Variants in EFR3A observed in about 807,000 individuals in gnomAD.
The protein encoded by EFR3A is protein EFR3 homolog A.
EFR3A carries 76 observed loss-of-function variants against 104.4 expected under a neutral mutation model. The observed-to-expected ratio is 0.73, with a 90% CI of 0.60 to 0.88. The LOEUF is 0.88. Ranked by LOEUF, EFR3A falls within the 40% of genes least tolerant of loss-of-function variation. The pLI is 0.00. For synonymous variants in EFR3A, 330 were observed against 330.0 expected, an observed-to-expected ratio of 1.00 and a Z score of 0.00; for missense variants, 985 against 1,012.5, an observed-to-expected ratio of 0.97 and a Z score of 0.37.
rs1193908955 is a variant in EFR3A, at chr8:132,009,706, A to G, written c.2361-1084A>G. ...TCCACTTCACTTCTTTTGCCAAGGTAGACAGCTTCACTCATTGTTTAGAAA... is the reference window on the plus strand; with the variant it reads ...TCCACTTCACTTCTTTTGCCAAGGTGGACAGCTTCACTCATTGTTTAGAAA... On this transcript the variant is annotated intron_variant, in intron 22 of 22. Transcript: ENST00000254624. Among the ~76,000 whole-genome samples the G allele has an allele frequency of 2.6e-5, 4 of 152,130 alleles. No homozygotes were observed. The South Asian group carries it at 8.3e-4, about 31-fold the overall frequency.
chr8:131,929,015 C>G (rs1171604969), intron 1 of EFR3A, among the ~76,000 whole-genome samples: 1 of 152,118 alleles, frequency 6.6e-6, no homozygotes, highest in African/African-American at 2.4e-5. Flanking sequence ...TATTTGCCTT[C>G]AGTGATCTCA....
chr8:132,006,041 A>G (rs1406041054), intron 22 of EFR3A, among the ~76,000 whole-genome samples: 23 of 152,200 alleles, frequency 1.5e-4, no homozygotes, highest in Admixed American at 1.2e-3. Context: ...ATTAGAAAAC[A>G]TTTTAAACTG....
chr8:131,921,896 T>G, intron 1 of EFR3A, among the ~76,000 whole-genome samples: 1 of 152,192 alleles, frequency 6.6e-6, no homozygotes, highest in Non-Finnish European at 1.5e-5. Context: ...GTGTACATGT[T>G]GTACGAAATC....
In EFR3A at chr8:131,909,157, C is replaced by T. The variant is rs566866136; in HGVS notation, c.10+4835C>T. On this transcript the variant is annotated intron_variant, in intron 1 of 22. Coordinates refer to ENST00000254624, the MANE Select transcript of EFR3A (RefSeq NM_015137.6). ...CCTTGCTCCCCCACATGCTTCTGGC[C>T]TATATGCAGAATAGATTGAATTGTA... 1.1e-4 allele frequency among the ~76,000 whole-genome samples: 16 copies of T among 152,310 alleles called. No homozygotes were observed. The South Asian group carries it at 3.1e-3, about 30-fold the overall frequency.
chr8:131,972,591 T>A (rs756695351), intron 10 of EFR3A, among the ~76,000 whole-genome samples: 7 of 152,102 alleles, frequency 4.6e-5, no homozygotes, highest in African/African-American at 7.2e-5. Context: ...GCAAGCAAGC[T>A]ATTTTTCTAA....
At chr8:131,905,703 A>C (rs1444995679) in intron 1 of EFR3A, among the ~76,000 whole-genome samples, 1 of 152,218 alleles carries the variant, frequency 6.6e-6, no homozygotes, top group Non-Finnish European at 1.5e-5. Context: ...TTGCCAGTTT[A>C]GTACTTCTAA....
intron 1 of EFR3A, among the ~76,000 whole-genome samples, chr8:131,939,689 ATCT>A (rs1818072331): frequency 6.6e-6 from 1 of 152,152 alleles, no homozygotes; most frequent in African/African-American, 2.4e-5. Context: ...TACTCACTTA[ATCT>A]TCTTTTCAGG....
At chr8:131,928,552 C>G (rs1173486505) in intron 1 of EFR3A, among the ~76,000 whole-genome samples, 1 of 151,998 alleles carries the variant, frequency 6.6e-6, no homozygotes, top group African/African-American at 2.4e-5. Flanking sequence ...TTTCTTATTA[C>G]CTAAATAATA....
At chr8:131,960,928 G>A (rs56213205) in intron 8 of EFR3A, among the ~76,000 whole-genome samples, 4 of 152,206 alleles carry the variant, frequency 2.6e-5, no homozygotes, top group Non-Finnish European at 4.4e-5. Context: ...TGCAGCCTCC[G>A]CTGCTGATAC....
At chr8:131,962,409 C>T (rs1819413287) in intron 8 of EFR3A, among the ~76,000 whole-genome samples, 1 of 152,120 alleles carries the variant, frequency 6.6e-6, no homozygotes, top group Non-Finnish European at 1.5e-5. Context: ...GTGTTGCAAT[C>T]CTAGTCTCTG....
chr8:131,939,895 G>T (rs1042951501), intron 1 of EFR3A: 1 of 152,206 alleles, frequency 6.6e-6, no homozygotes, highest in African/African-American at 2.4e-5. Context: ...GTCCTGGTGA[G>T]GGGGCACAGA....
chr8:131,925,570 A>G (rs935158090), intron 1 of EFR3A, among the ~76,000 whole-genome samples: 1 of 152,166 alleles, frequency 6.6e-6, no homozygotes, highest in Non-Finnish European at 1.5e-5. Context: ...ACAAAAGCAT[A>G]AAAATGATAC....
intron 10 of EFR3A, 73 bp downstream of exon 10, chr8:131,970,716 C>CCTG: frequency 7.3e-7 from 1 of 1,378,518 alleles, no homozygotes; most frequent in South Asian, 1.3e-5. Flanking sequence ...AGGTCCTGGA[C>CCTG]TATTATAGTA....
chr8:131,993,646 G>T (rs987825703), intron 18 of EFR3A, among the ~76,000 whole-genome samples: 4 of 151,768 alleles, frequency 2.6e-5, no homozygotes, highest in Non-Finnish European at 5.9e-5. Flanking sequence ...CTGTAATCCT[G>T]GCACTTTGGG....
At position 131,919,322 on chromosome 8, in the gene EFR3A, G is replaced by C. The variant is rs150313336; in HGVS notation, c.10+15000G>C. On this transcript the variant is annotated intron_variant, in intron 1 of 22. Coordinates refer to ENST00000254624, the MANE Select transcript of EFR3A (RefSeq NM_015137.6). ...CATAAAATTTACCTGTTTTGGCCGG[G>C]TGCAGTGGCTCATGCCTGTAATCCC... Among the ~76,000 whole-genome samples, 448 of 152,178 alleles carry C rather than the reference G, an allele frequency of 2.9e-3. 2 individuals are homozygous for C. The highest frequency in any genetic ancestry group is 0.01 in the African/African-American group (418 of 41,514).
chr8:131,904,143 C>G lies in EFR3A; in HGVS notation c.-170C>G, dbSNP rs371908855. On this transcript the variant is annotated 5_prime_UTR_variant, in exon 1 of 23. Transcript: ENST00000254624. ...TGGGCTGGCGGCGGTAGCTGTCGCC[C>G]GCTTGGTTGCGTGACCGCGGGGTCC... 2.7e-6 allele frequency: 2 copies of G among 737,048 alleles called. No homozygotes were observed. Among genetic ancestry groups the G allele is most frequent in the East Asian group, 7.1e-5 (2 of 28,214 alleles). The allele number at this position is 737,048 out of a possible 1,614,324, so 45.7% of individuals were successfully genotyped here.
At chr8:131,937,627 T>G (rs987246580) in intron 1 of EFR3A, among the ~76,000 whole-genome samples, 3 of 152,164 alleles carry the variant, frequency 2.0e-5, no homozygotes, top group Admixed American at 6.5e-5. Context: ...TAATAGTATT[T>G]ATTGAATATT....
intron 8 of EFR3A, among the ~76,000 whole-genome samples, chr8:131,961,018 A>G (rs1321934076): frequency 6.6e-6 from 1 of 152,214 alleles, no homozygotes; most frequent in African/African-American, 2.4e-5. Context: ...GTTAGAAGGA[A>G]AGCTAACAAA....
intron 1 of EFR3A, among the ~76,000 whole-genome samples, chr8:131,912,631 TC>T (rs1325359918): frequency 6.6e-6 from 1 of 152,242 alleles, no homozygotes; most frequent in Admixed American, 6.5e-5. Flanking sequence ...ATTGGTGTTT[TC>T]CTTCTACAGT....
Sources: gnomAD v4.1 joint callset for allele counts (sites outside exome capture counted in the v4.1 genomes callset) on GRCh38, gnomAD v4.1.1 for gene constraint, MANE v1.5 for transcripts, NCBI Gene and HGNC (gene_info 2026-07-23, HGNC 2026-07-21) for gene names.